Variants in ROBO1 observed in about 807,000 individuals in gnomAD.
ROBO1 encodes roundabout guidance receptor 1.
A neutral mutation model predicts 195.9 loss-of-function variants in ROBO1; 149 were observed. The observed-to-expected ratio is 0.76, with a 90% CI of 0.67 to 0.87. ROBO1 has a LOEUF of 0.87. Ranked by LOEUF, ROBO1 falls within the 40% of genes least tolerant of loss-of-function variation. The pLI is 0.00. For synonymous variants in ROBO1, 816 were observed against 733.2 expected (o/e 1.11, Z -1.82); for missense variants, 1,933 against 2,068.3 (o/e 0.93, Z 1.27).
At chr3:79,657,771 T>C (rs1030712475) in intron 1 of ROBO1, among the ~76,000 whole-genome samples, 1 of 152,124 alleles carries the variant, frequency 6.6e-6, no homozygotes, top group African/African-American at 2.4e-5. Context: ...GGATCATATC[T>C]AGATTTTGAA....
chr3:79,039,255 T>C (rs1315708692), intron 3 of ROBO1, among the ~76,000 whole-genome samples: 2 of 152,198 alleles, frequency 1.3e-5, no homozygotes, highest in Non-Finnish European at 2.9e-5. Context: ...ATTTCTTTCT[T>C]TTTATTTCAC....
intron 2 of ROBO1, among the ~76,000 whole-genome samples, chr3:79,204,653 C>T (rs1253296327): frequency 6.6e-6 from 1 of 152,160 alleles, no homozygotes; most frequent in African/African-American, 2.4e-5. Context: ...CACAACTCTA[C>T]ACTCTGTGCT....
At chr3:78,872,929 T>C (rs2035633198) in intron 4 of ROBO1, among the ~76,000 whole-genome samples, 1 of 152,178 alleles carries the variant, frequency 6.6e-6, no homozygotes, top group Non-Finnish European at 1.5e-5. Flanking sequence ...TAGGTCTTTG[T>C]AAGATTTACA....
intron 4 of ROBO1, among the ~76,000 whole-genome samples, chr3:78,933,291 G>A (rs541962113): frequency 1.1e-4 from 16 of 152,104 alleles, no homozygotes; most frequent in East Asian, 3.9e-4. Context: ...CTTATGAAAC[G>A]TAAGTTTCTA....
chr3:79,451,005 T>C (rs1190102944), intron 2 of ROBO1, among the ~76,000 whole-genome samples: 1 of 151,986 alleles, frequency 6.6e-6, no homozygotes, highest in Non-Finnish European at 1.5e-5. Context: ...TCCAACAATA[T>C]TAAAGTTGTG....
intron 3 of ROBO1, among the ~76,000 whole-genome samples, chr3:78,945,116 T>C (rs572714159): frequency 3.3e-5 from 5 of 152,300 alleles, no homozygotes; most frequent in Admixed American, 3.3e-4. Flanking sequence ...AACAAAAAGA[T>C]AGCAGTAACC....
chr3:79,179,552 A>G (rs1044632970), intron 2 of ROBO1, among the ~76,000 whole-genome samples: 1 of 152,198 alleles, frequency 6.6e-6, no homozygotes, highest in Non-Finnish European at 1.5e-5. Flanking sequence ...GACTTTCTTA[A>G]AACATTTATA....
intron 2 of ROBO1, among the ~76,000 whole-genome samples, chr3:79,202,801 G>C (rs558866307): frequency 6.6e-6 from 1 of 151,928 alleles, no homozygotes. Context: ...AAACTTTTTA[G>C]TTCCTTAAGC....
chr3:79,241,569 C>T (rs2082518005), intron 2 of ROBO1, among the ~76,000 whole-genome samples: 1 of 151,726 alleles, frequency 6.6e-6, no homozygotes, highest in Non-Finnish European at 1.5e-5. Context: ...GAGCTGTTAG[C>T]TATTGTGGAC....
chr3:79,174,592 T>G (rs573144288), intron 2 of ROBO1, among the ~76,000 whole-genome samples: 16 of 152,174 alleles, frequency 1.1e-4, no homozygotes, highest in Admixed American at 3.3e-4. Context: ...TATAATAGTA[T>G]AGACAAATAG....
rs779863536 is a variant in ROBO1 at position 78,614,745 on chromosome 3, T to C, written c.4338A>G (p.Thr1446=). The change falls in exon 28 of 31, where the codon ACA becomes ACG. Residue 1446 remains threonine, a synonymous_variant. Transcript: ENST00000464233. ...TTACGGCGGCACTCATGTTGCTGTC[T>C]GTAGACACGGGACTTGTGGGCCTAG... ...QCPRPTSPVS[T]DSNMSAAVMQ... is the part of the protein sequence containing the mutation. 2 of 1,613,324 alleles carry C rather than the reference T, an allele frequency of 1.2e-6. No homozygotes were observed. The highest frequency in any genetic ancestry group is 2.2e-5 in the East Asian group (1 of 44,822).
intron 4 of ROBO1, among the ~76,000 whole-genome samples, chr3:78,795,317 C>A (rs1442900191): frequency 6.6e-6 from 1 of 152,172 alleles, no homozygotes; most frequent in Non-Finnish European, 1.5e-5. Flanking sequence ...ATAATGGATT[C>A]TTGCTTAATA....
intron 2 of ROBO1, among the ~76,000 whole-genome samples, chr3:79,559,543 G>T (rs545597153): frequency 1.8e-4 from 27 of 152,264 alleles, no homozygotes; most frequent in Non-Finnish European, 8.8e-5. Flanking sequence ...TAGAATTTTT[G>T]TGAAAATCAA....
chr3:79,549,388 C>T (rs1022765752), intron 2 of ROBO1, among the ~76,000 whole-genome samples: 1 of 152,140 alleles, frequency 6.6e-6, no homozygotes, highest in Non-Finnish European at 1.5e-5. Flanking sequence ...TGAGAGCACT[C>T]AGAAAACACA....
At position 78,938,789 on chromosome 3, in the gene ROBO1, C is replaced by G. The variant is rs761825844; in HGVS notation, c.311G>C (p.Gly104Ala). The change falls in exon 4 of 31, where the codon GGG becomes GCG. Residue 104 changes from glycine to alanine, a missense_variant. Around this residue, in one of 3 missense-constraint regions of ROBO1, gnomAD observed 185 missense variants for 159.5 expected, o/e 1.16. Transcript: ENST00000464233. ...RPTPTIEWYK[G>A]GERVETDKDD... ...TTTGTCTGTCTCCACTCTCTCTCCC[C>G]CTTTGTACCATTCAATAGTGGGTGT... 37 of 1,613,996 alleles carry G rather than the reference C, an allele frequency of 2.3e-5. No individual in the cohort carries two copies. The highest frequency in any genetic ancestry group is 1.6e-4 in the Middle Eastern group (1 of 6,062).
intron 2 of ROBO1, among the ~76,000 whole-genome samples, chr3:79,269,905 G>A (rs539029425): frequency 2.6e-5 from 4 of 151,742 alleles, no homozygotes; most frequent in Non-Finnish European, 5.9e-5. Flanking sequence ...TCCTGGTTAG[G>A]TGTTTGCAGA....
intron 4 of ROBO1, among the ~76,000 whole-genome samples, chr3:78,778,194 G>A (rs1018611999): frequency 3.3e-5 from 5 of 152,088 alleles, no homozygotes; most frequent in Non-Finnish European, 5.9e-5. Context: ...TGACTTGATC[G>A]TGGTGGATAA....
At chr3:79,409,653 C>T (rs1249603386) in intron 2 of ROBO1, among the ~76,000 whole-genome samples, 2 of 152,090 alleles carry the variant, frequency 1.3e-5, no homozygotes. Context: ...GCACCCATGA[C>T]TCAATTTTGT....
Position 78,755,354 on chromosome 3 carries a change from G to A in ROBO1, c.500-8454C>T, listed in dbSNP as rs138226756. 3.0e-3 allele frequency among the ~76,000 whole-genome samples: 463 copies of A among 152,192 alleles called. 6 individuals are homozygous for A. Among genetic ancestry groups the A allele is most frequent in the African/African-American group, 0.01 (425 of 41,534 alleles). Reference sequence around the variant, plus strand: ...CTAGGCATGGTGGTGCTCACCAGTGGTTCTGGCTAGTGGGGAGACTGAGGT... The same window carrying A: ...CTAGGCATGGTGGTGCTCACCAGTGATTCTGGCTAGTGGGGAGACTGAGGT... On this transcript the variant is annotated intron_variant, in intron 4 of 30. Coordinates refer to ENST00000464233, the MANE Select transcript of ROBO1 (RefSeq NM_002941.4).
Sources: allele counts gnomAD v4.1 joint callset (sites outside exome capture counted in the v4.1 genomes callset), GRCh38; gene constraint gnomAD v4.1.1; regional missense constraint gnomAD v4.1.1; transcripts MANE v1.5; gene names NCBI Gene and HGNC (gene_info 2026-07-23, HGNC 2026-07-21).